Variants in TJP1 observed in about 807,000 individuals in gnomAD.
TJP1 encodes tight junction protein 1.
TJP1 carries 43 observed loss-of-function variants against 194.2 expected under a neutral mutation model. The ratio of observed to expected loss-of-function variants is 0.22; its 90% CI spans 0.17 to 0.29. The LOEUF is 0.29. Ranked by LOEUF, TJP1 falls within the 10% of genes least tolerant of loss-of-function variation. TJP1 has a pLI of 1.00. For synonymous variants in TJP1, 801 were observed against 779.0 expected (o/e 1.03, Z -0.47); for missense variants, 1,971 against 2,185.7 (o/e 0.90, Z 1.96).
At chr15:29,949,874 TCCACAA>T (rs1198655457) in intron 2 of TJP1, among the ~76,000 whole-genome samples, 1 of 52,402 alleles carries the variant, frequency 1.9e-5, no homozygotes. Context: ...CACCTCCACC[TCCACAA>T]CCACCACCTC....
rs1194543484 is a variant in TJP1 at position 29,797,169 on chromosome 15, G to GAC, written c.84+3475_84+3476dup. 2.6e-5 allele frequency among the ~76,000 whole-genome samples: 4 copies of GAC among 152,184 alleles called. No individual in the cohort carries two copies. The East Asian group carries it at 7.7e-4, about 29-fold the overall frequency. ...AAAATTTTTCTTTCTTTCCTTTTGA[G>GAC]ACAGAGTCTTACTCTGTCTCCCATG... On this transcript the variant is annotated intron_variant, in intron 2 of 27. Transcript: ENST00000614355.
chr15:29,770,678 T>C (rs1267357521), intron 4 of TJP1, among the ~76,000 whole-genome samples: 1 of 53,638 alleles, frequency 1.9e-5, no homozygotes, highest in Non-Finnish European at 4.5e-5. Context: ...AGACTCTGTC[T>C]CAAAAAAAAA....
intron 2 of TJP1, among the ~76,000 whole-genome samples, chr15:29,798,567 A>C (rs1284189288): frequency 6.6e-6 from 1 of 152,168 alleles, no homozygotes; most frequent in Non-Finnish European, 1.5e-5. Context: ...CAACAACGGG[A>C]GCTCTTATAC....
chr15:29,932,001 A>G (rs1484803604), intron 2 of TJP1, among the ~76,000 whole-genome samples: 1 of 152,198 alleles, frequency 6.6e-6, no homozygotes, highest in East Asian at 1.9e-4. Flanking sequence ...GACCACCAGA[A>G]GTCACTCTTG....
intron 10 of TJP1, 66 bp downstream of exon 10, chr15:29,741,265 A>G: frequency 1.7e-6 from 2 of 1,209,172 alleles, no homozygotes; most frequent in Non-Finnish European, 1.2e-6. Flanking sequence ...GTTTACAATT[A>G]AATTCCTACT....
intron 2 of TJP1, among the ~76,000 whole-genome samples, chr15:29,872,507 G>C (rs1032626792): frequency 9.9e-5 from 15 of 152,148 alleles, no homozygotes; most frequent in African/African-American, 3.4e-4. Context: ...GACAAGCCGA[G>C]GGCCTTAAGG....
chr15:29,953,139 GA>G (rs2055813788), intron 2 of TJP1, among the ~76,000 whole-genome samples: 3 of 64,734 alleles, frequency 4.6e-5, no homozygotes, highest in Admixed American at 3.4e-4. Context: ...AAAGAAGACA[GA>G]TTTTTTTTTT....
intron 1 of TJP1, among the ~76,000 whole-genome samples, chr15:29,802,660 C>T (rs1353534153): frequency 1.3e-5 from 2 of 151,274 alleles, no homozygotes; most frequent in African/African-American, 4.9e-5. Context: ...ATGAGTAAAT[C>T]AGCTAAACAT....
chr15:29,861,874 T>C (rs1255207747), intron 2 of TJP1, among the ~76,000 whole-genome samples: 1 of 152,218 alleles, frequency 6.6e-6, no homozygotes, highest in East Asian at 1.9e-4. Flanking sequence ...TTTTTTTCTT[T>C]TGTCACTTAT....
intron 2 of TJP1, among the ~76,000 whole-genome samples, chr15:29,894,986 C>A (rs1490133727): frequency 6.6e-6 from 1 of 152,220 alleles, no homozygotes; most frequent in Non-Finnish European, 1.5e-5. Flanking sequence ...GTGCAGCAAG[C>A]ACAGGGGTCC....
chr15:29,873,515 C>T (rs1596154870), intron 2 of TJP1, among the ~76,000 whole-genome samples: 1 of 152,220 alleles, frequency 6.6e-6, no homozygotes, highest in Non-Finnish European at 1.5e-5. Flanking sequence ...TGTGATGAGT[C>T]AGTTTCTTTT....
chr15:29,950,046 C>T (rs2055628330), intron 2 of TJP1, among the ~76,000 whole-genome samples: 1 of 84,668 alleles, frequency 1.2e-5, no homozygotes, highest in Non-Finnish European at 2.3e-5. Context: ...ACCACCTCCA[C>T]CACCACCACC....
chr15:29,914,585 A>C (rs1230713455), intron 2 of TJP1, among the ~76,000 whole-genome samples: 2 of 152,196 alleles, frequency 1.3e-5, no homozygotes, highest in East Asian at 3.9e-4. Context: ...ATGTAGGAGC[A>C]GCCCTGTGCA....
At chr15:29,959,240 T>C (rs188954740) in intron 1 of TJP1, among the ~76,000 whole-genome samples, 101 of 151,758 alleles carry the variant, frequency 6.7e-4, no homozygotes, top group Non-Finnish European at 4.7e-4. Context: ...CTGCCCACCA[T>C]CAGCCTTCCA....
chr15:29,809,118 T>C (rs1326217565), intron 1 of TJP1, among the ~76,000 whole-genome samples: 1 of 152,230 alleles, frequency 6.6e-6, no homozygotes, highest in Non-Finnish European at 1.5e-5. Context: ...ACATGATATG[T>C]AAAATATACA....
intron 1 of TJP1, among the ~76,000 whole-genome samples, chr15:29,801,561 A>C (rs1484892830): frequency 6.7e-6 from 1 of 148,984 alleles, no homozygotes; most frequent in Non-Finnish European, 1.5e-5. Flanking sequence ...TCCCGGGTTC[A>C]CGCCATTCTC....
intron 1 of TJP1, among the ~76,000 whole-genome samples, chr15:29,812,215 G>C (rs1428963295): frequency 6.6e-6 from 1 of 152,172 alleles, no homozygotes; most frequent in Non-Finnish European, 1.5e-5. Context: ...TATTTTACTT[G>C]ACCTCTCTGT....
At chr15:29,940,193 C>T (rs1252626017) in intron 2 of TJP1, among the ~76,000 whole-genome samples, 1 of 152,172 alleles carries the variant, frequency 6.6e-6, no homozygotes, top group Non-Finnish European at 1.5e-5. Context: ...ATAGCATTCA[C>T]TTCTCCACCT....
chr15:29,773,141 A>T, intron 3 of TJP1, 92 bp downstream of exon 3: 1 of 1,448,214 alleles, frequency 6.9e-7, no homozygotes, highest in Admixed American at 2.1e-5. Flanking sequence ...TGAATATGAC[A>T]AAATCACTAA....
Sources: allele counts gnomAD v4.1 joint callset (sites outside exome capture counted in the v4.1 genomes callset), GRCh38; gene constraint gnomAD v4.1.1; transcripts MANE v1.5; gene names NCBI Gene and HGNC (gene_info 2026-07-23, HGNC 2026-07-21).